The following RYR1 variants were observed in gnomAD, a reference collection of about 807,000 sequenced individuals.
The protein encoded by RYR1 is central core disease of muscle.
In RYR1, 342 loss-of-function variants were observed where a neutral mutation model predicts 583.5. The observed-to-expected ratio is 0.59, with a 90% confidence interval of 0.54 to 0.64. The LOEUF (loss-of-function observed/expected upper bound fraction) is 0.64. RYR1 is among the 30% of genes least tolerant of loss of function. RYR1 has a pLI of 0.00. For synonymous variants in RYR1, 2,791 were observed against 2,822.5 expected, an observed-to-expected ratio of 0.99 and a Z score of 0.35; for missense variants, 6,032 against 6,917.2, an observed-to-expected ratio of 0.87 and a Z score of 4.54.
intron 101 of RYR1, among the ~76,000 whole-genome samples, chr19:38,584,198 C>T (rs1055013472): frequency 3.3e-5 from 5 of 151,826 alleles, no homozygotes; most frequent in African/African-American, 1.2e-4. Flanking sequence ...ACTGTGCCTC[C>T]CCACCCCAGC....
chr19:38,460,456 G>C lies in RYR1; in HGVS notation c.2442G>C (p.Val814=). 6.2e-7 allele frequency: 1 copy of C among 1,614,210 alleles called. No homozygotes were observed. Among genetic ancestry groups the C allele is most frequent in the Admixed American group, 1.7e-5 (1 of 60,032 alleles). Reference sequence around the variant, plus strand: ...GCTATGCTCCATGCCATGAGGCTGTGCTCCCTCGAGAGCGACTCCATCTTG... The same window carrying C: ...GCTATGCTCCATGCCATGAGGCTGTCCTCCCTCGAGAGCGACTCCATCTTG... The part of the protein sequence containing the change: ...PPGYAPCHEA[V]LPRERLHLEP... Residue 814 remains valine (V), a synonymous_variant, in exon 20 of 106, where the codon GTG becomes GTC. Coordinates refer to ENST00000359596, the MANE Select transcript of RYR1 (RefSeq NM_000540.3).
rs945628060 is a variant in RYR1, at chr19:38,561,653, C to A, written c.12624+199C>A. Among the ~76,000 whole-genome samples the A allele has an allele frequency of 1.1e-4, 17 of 152,342 alleles. No individual in the cohort carries two copies. Among genetic ancestry groups the A allele is most frequent in the African/African-American group, 3.4e-4 (14 of 41,580 alleles). On this transcript the variant is annotated intron_variant, in intron 90 of 105. Transcript: ENST00000359596. This position sits in a 1 kb window ranked among gnomAD's most constrained non-coding sequence, Gnocchi z 4.8. ...ATCCCTGGCTCGCCCCTGGCCACTTCTTGCGGACCTGGCCCACACAAGGAT... is the reference window on the plus strand; with the variant it reads ...ATCCCTGGCTCGCCCCTGGCCACTTATTGCGGACCTGGCCCACACAAGGAT...
In RYR1 at chr19:38,444,070, G is replaced by A; in HGVS notation, c.425-79G>A. On this transcript the variant is annotated intron_variant, in intron 5 of 105. Transcript: ENST00000359596. The surrounding 1 kb of genome is among the most constrained non-coding windows in gnomAD (Gnocchi z 5.1). The stretch of plus-strand genomic sequence containing the variant: ...TGTGGGCCAAGGGCCCGGGAGGCCT[G>A]GTGGAGGGAGAGCCCTGGGGAAGAG... The A allele has an allele frequency of 2.4e-6, 3 of 1,257,070 alleles. No individual in the cohort carries two copies. The highest frequency in any genetic ancestry group is 2.3e-6 in the Non-Finnish European group (2 of 856,252). The allele number at this position is 1,257,070 out of a possible 1,614,324, so 77.9% of individuals were successfully genotyped here. A position where few individuals can be genotyped will look rare whatever the true frequency, so the allele number is the denominator to read the frequency against.
chr19:38,537,361 T>A (rs1972019715), intron 83 of RYR1, among the ~76,000 whole-genome samples: 2 of 152,068 alleles, frequency 1.3e-5, no homozygotes, highest in Admixed American at 1.3e-4. Flanking sequence ...TTTACACGCC[T>A]CCCCTGTGCT....
At chr19:38,549,698 C>CTTT (rs71165559) in intron 89 of RYR1, among the ~76,000 whole-genome samples, 171 of 52,430 alleles carry the variant, frequency 3.3e-3, no homozygotes, top group Non-Finnish European at 3.6e-3. Context: ...CTTTCCTTTC[C>CTTT]TTTTTTTTTT....
intron 24 of RYR1, 121 bp from the exon 25 acceptor site, chr19:38,467,489 C>T: frequency 9.2e-7 from 1 of 1,087,506 alleles, no homozygotes; most frequent in Non-Finnish European, 1.4e-6. Context: ...GAAATTGACC[C>T]TCTTCCAACA....
At chr19:38,516,035 A>G in intron 64 of RYR1, 52 bp from the exon 65 acceptor site, 1 of 1,533,674 alleles carries the variant, frequency 6.5e-7, no homozygotes, top group Non-Finnish European at 8.8e-7. Flanking sequence ...GCTGGGACCC[A>G]GGACCCCAAA....
intron 83 of RYR1, 155 bp downstream of exon 83, chr19:38,536,922 G>C: frequency 1.4e-6 from 1 of 727,208 alleles, no homozygotes. Flanking sequence ...CTGGAGATCA[G>C]GAGTCTGGGG....
At position 38,443,963 on chromosome 19, in the gene RYR1, C is replaced by T. The variant is rs117825481; in HGVS notation, c.424+167C>T. Among the ~76,000 whole-genome samples, 10 of 152,150 alleles carry T rather than the reference C, an allele frequency of 6.6e-5. No individual in the cohort carries two copies. In the East Asian group the frequency reaches 1.2e-3, roughly 18 times the overall value. ...CAGTCCAGACAGGGAGACAGACACA[C>T]GTTGGGGACCACTAGGCAGAGAGTC... On this transcript the variant is annotated intron_variant, in intron 5 of 105. Coordinates refer to ENST00000359596, the MANE Select transcript of RYR1 (RefSeq NM_000540.3).
In RYR1 at chr19:38,448,451, G is replaced by A. The variant is rs76854339; in HGVS notation, c.897G>A (p.Val299=). ...YLALTEDQGL[V]VVDASKAHTK... ...CGCTCACCGAGGACCAGGGCCTGGT[G>A]GTGGTTGACGCCAGCAAGGCTCACA... Residue 299 remains valine (V), a synonymous_variant, in exon 10 of 106, where the codon GTG becomes GTA. Coordinates refer to ENST00000359596, the MANE Select transcript of RYR1 (RefSeq NM_000540.3). 45 of 1,613,738 alleles carry A rather than the reference G, an allele frequency of 2.8e-5. No individual in the cohort carries two copies. Among genetic ancestry groups the A allele is most frequent in the Non-Finnish European group, 3.7e-5 (44 of 1,180,034 alleles).
At chr19:38,508,611 CTCTGGGGGCA>C (rs1970587694) in intron 58 of RYR1, among the ~76,000 whole-genome samples, 2 of 152,158 alleles carry the variant, frequency 1.3e-5, no homozygotes, top group Admixed American at 1.3e-4. Flanking sequence ...CTGTGTGGAC[CTCTGGGGGCA>C]TCTGTTCCTT....
At chr19:38,553,334 CAAAAAA>C (rs566497167) in intron 89 of RYR1, among the ~76,000 whole-genome samples, 1 of 80,948 alleles carries the variant, frequency 1.2e-5, no homozygotes, top group African/African-American at 4.8e-5. Context: ...GACTCCATAT[CAAAAAA>C]AAAAAAAAAA....
At chr19:38,529,673 T>A (rs1051709421) in intron 76 of RYR1, among the ~76,000 whole-genome samples, 4 of 152,178 alleles carry the variant, frequency 2.6e-5, no homozygotes, top group Non-Finnish European at 5.9e-5. Flanking sequence ...AAAATCCATA[T>A]GTATGACAAA....
chr19:38,496,701 C>T lies in RYR1; in HGVS notation c.6797-159C>T, dbSNP rs1695178786. On this transcript the variant is annotated intron_variant, in intron 41 of 105. Coordinates refer to ENST00000359596, the MANE Select transcript of RYR1 (RefSeq NM_000540.3). This position sits in a 1 kb window ranked among gnomAD's most constrained non-coding sequence, Gnocchi z 4.8. ...TAATGCTGGGGACACAATAGTGACCCCAATAGTGACAGCCCAGAGTGGTCA... is the reference window on the plus strand; with the variant it reads ...TAATGCTGGGGACACAATAGTGACCTCAATAGTGACAGCCCAGAGTGGTCA... Among the ~76,000 whole-genome samples the T allele has an allele frequency of 6.6e-6, 1 of 152,132 alleles. No homozygotes were observed. The highest frequency in any genetic ancestry group is 2.4e-5 in the African/African-American group (1 of 41,424).
intron 31 of RYR1, among the ~76,000 whole-genome samples, chr19:38,479,944 T>C (rs1968926727): frequency 6.6e-6 from 1 of 152,100 alleles, no homozygotes; most frequent in Non-Finnish European, 1.5e-5. Context: ...GGTCTCAAAC[T>C]CCTGGTCTCA....
At chr19:38,586,046 G>A (rs747712076) in intron 103 of RYR1, 44 bp downstream of exon 103, 1 of 1,614,054 alleles carries the variant, frequency 6.2e-7, no homozygotes, top group Non-Finnish European at 8.5e-7. Context: ...ACGGGATTCA[G>A]GGGGTCAAGT....
At chr19:38,457,425 C>A (rs1281589889) in intron 16 of RYR1, 72 bp from the exon 17 acceptor site, 7 of 1,611,536 alleles carry the variant, frequency 4.3e-6, no homozygotes, top group Non-Finnish European at 5.9e-6. Flanking sequence ...TGGCTTCCCT[C>A]CCTCCCAGGG....
chr19:38,570,038 C>T (rs1051227227), intron 93 of RYR1, among the ~76,000 whole-genome samples: 1 of 152,104 alleles, frequency 6.6e-6, no homozygotes, highest in Non-Finnish European at 1.5e-5. Flanking sequence ...GTGGTGCATA[C>T]CTGTAATCCC....
chr19:38,544,264 T>C (rs1486450283), intron 87 of RYR1, among the ~76,000 whole-genome samples: 2 of 152,218 alleles, frequency 1.3e-5, no homozygotes, highest in Non-Finnish European at 2.9e-5. Flanking sequence ...AATGTTTTGC[T>C]TCTTTATCTT....
Sources: gnomAD v4.1 joint callset for allele counts (sites outside exome capture counted in the v4.1 genomes callset) on GRCh38, gnomAD v4.1.1 for gene constraint, Gnocchi (gnomAD v3.1) non-coding constraint, MANE v1.5 for transcripts, NCBI Gene and HGNC (gene_info 2026-07-23, HGNC 2026-07-21) for gene names.